Variants in NT5DC3 observed in about 807,000 individuals in gnomAD.
NT5DC3 encodes the protein 5'-nucleotidase domain containing 3.
Under a neutral mutation model 67.8 loss-of-function variants are expected in NT5DC3, and 42 were observed. The observed-to-expected ratio is 0.62, with a 90% CI of 0.48 to 0.80. NT5DC3 has a LOEUF of 0.80. Among genes scored for constraint, NT5DC3 ranks in the 30% least tolerant of loss-of-function variants. The pLI is 0.00. For missense variants in NT5DC3, 570 were observed against 696.4 expected (o/e 0.82, Z 2.04); for synonymous variants, 237 against 255.6 (o/e 0.93, Z 0.69).
intron 2 of NT5DC3, among the ~76,000 whole-genome samples, chr12:103,807,496 G>A (rs765180336): frequency 6.6e-6 from 1 of 152,194 alleles, no homozygotes; most frequent in African/African-American, 2.4e-5. Flanking sequence ...CCTCTCCATA[G>A]AGCTTTCATT....
intron 12 of NT5DC3, among the ~76,000 whole-genome samples, chr12:103,785,030 C>T (rs1010949683): frequency 6.6e-6 from 1 of 152,166 alleles, no homozygotes; most frequent in Non-Finnish European, 1.5e-5. Flanking sequence ...CAGACAGAAC[C>T]AGCACAGACT....
In NT5DC3 at chr12:103,793,194, T is replaced by G; in HGVS notation, c.989A>C (p.Glu330Ala). 1 of 1,606,322 alleles carries G rather than the reference T, an allele frequency of 6.2e-7. No individual in the cohort carries two copies. The highest frequency in any genetic ancestry group is 8.5e-7 in the Non-Finnish European group (1 of 1,178,346). Reference sequence around the variant, plus strand: ...CTTATCATTAAAGAAGTTTGGCTTCTCAGCCTGAACAATGACCACATCGAA... The same window carrying G: ...CTTATCATTAAAGAAGTTTGGCTTCGCAGCCTGAACAATGACCACATCGAA... ...DLFDVVIVQA[E>A]KPNFFNDKRR... Residue 330 changes from glutamate (E) to alanine (A), a missense_variant, in exon 9 of 14, where the codon GAG becomes GCG. Physicochemically the swap from Glu to Ala is moderately radical, Grantham distance 107 (BLOSUM62 -1). Around this residue, in one of 2 missense-constraint regions of NT5DC3, gnomAD observed 466 missense variants for 608.0 expected, o/e 0.77. Coordinates refer to ENST00000392876, the MANE Select transcript of NT5DC3 (RefSeq NM_001031701.3).
intron 1 of NT5DC3, among the ~76,000 whole-genome samples, chr12:103,824,307 CTGTTT>C (rs1887602766): frequency 6.6e-6 from 1 of 152,214 alleles, no homozygotes; most frequent in African/African-American, 2.4e-5. Flanking sequence ...AATAACCACT[CTGTTT>C]TAAGTCATTT....
chr12:103,757,028 TATAA>T, the NT5DC3 span, among the ~76,000 whole-genome samples: 2 of 143,492 alleles, frequency 1.4e-5, no homozygotes, highest in South Asian at 2.1e-4. Flanking sequence ...TATATATATA[TATAA>T]AATATATATA....
At chr12:103,796,594 C>T (rs1251593202) in intron 6 of NT5DC3, among the ~76,000 whole-genome samples, 2 of 152,218 alleles carry the variant, frequency 1.3e-5, no homozygotes, top group Non-Finnish European at 2.9e-5. Flanking sequence ...GGACTTCCAT[C>T]CCCATCATCC....
intron 13 of NT5DC3, 89 bp from the exon 14 acceptor site, chr12:103,778,170 T>TAAAAAA: frequency 7.7e-6 from 9 of 1,174,306 alleles, no homozygotes; most frequent in Non-Finnish European, 1.0e-5. Context: ...CTTCTTTTTT[T>TAAAAAA]AAAAAAAAAA....
the NT5DC3 span, among the ~76,000 whole-genome samples, chr12:103,762,712 T>C: frequency 6.6e-6 from 1 of 152,204 alleles, no homozygotes; most frequent in Non-Finnish European, 1.5e-5. Flanking sequence ...CCTAGGAGTC[T>C]TGTTTACCTT....
chr12:103,798,593 G>T lies in NT5DC3; in HGVS notation c.609C>A (p.Tyr203Ter). Residue 203 changes from tyrosine (Y) to a stop codon, truncating the protein, a stop_gained, in exon 5 of 14, where the codon TAC (tyrosine) becomes TAA (stop). Transcript: ENST00000392876. LOFTEE classifies it high-confidence loss of function. ...HVPLEQMSDFYGKSSHGNTMK... is the reference protein window; with the variant it reads ...HVPLEQMSDF ...ATAAAGTGCTTCTCATTACCTTTCC[G>T]TAAAAGTCACTCATCTGCTCCAAGG... The T allele has an allele frequency of 6.2e-7, 1 of 1,610,452 alleles. No individual in the cohort carries two copies. Among genetic ancestry groups the T allele is most frequent in the Non-Finnish European group, 8.5e-7 (1 of 1,176,776 alleles).
At chr12:103,829,793 C>A (rs912425922) in intron 1 of NT5DC3, among the ~76,000 whole-genome samples, 1 of 152,026 alleles carries the variant, frequency 6.6e-6, no homozygotes, top group Admixed American at 6.5e-5. Context: ...CCATCTAAGA[C>A]CTTTGGGATT....
chr12:103,790,477 T>C (rs1280623439), intron 9 of NT5DC3, among the ~76,000 whole-genome samples: 5 of 151,994 alleles, frequency 3.3e-5, no homozygotes, highest in Admixed American at 2.0e-4. Flanking sequence ...GATTTCACCA[T>C]GTTGAACTCC....
chr12:103,808,904 G>A (rs1325858046), intron 2 of NT5DC3, among the ~76,000 whole-genome samples: 1 of 152,216 alleles, frequency 6.6e-6, no homozygotes, highest in Non-Finnish European at 1.5e-5. Flanking sequence ...CCACACACTA[G>A]ACACTTTCCA....
chr12:103,824,165 TAAAGG>T (rs1208719325), intron 1 of NT5DC3, among the ~76,000 whole-genome samples: 1 of 152,238 alleles, frequency 6.6e-6, no homozygotes, highest in Non-Finnish European at 1.5e-5. Context: ...TTCATTACAG[TAAAGG>T]AAACAGTTGA....
In NT5DC3 at chr12:103,837,880, C is replaced by T. The variant is rs545507763; in HGVS notation, c.208+3069G>A. Among the ~76,000 whole-genome samples, 30 of 152,330 alleles carry T rather than the reference C, an allele frequency of 2.0e-4. No individual in the cohort carries two copies. In the East Asian group the frequency reaches 5.0e-3, roughly 25 times the overall value. On this transcript the variant is annotated intron_variant, in intron 1 of 13. Coordinates refer to ENST00000392876, the MANE Select transcript of NT5DC3 (RefSeq NM_001031701.3). ...TCTGCCTGTTACCCAGCTCCAAAGTCGCTTCCACATTTTCAGGTGTCTTTT... is the reference window on the plus strand; with the variant it reads ...TCTGCCTGTTACCCAGCTCCAAAGTTGCTTCCACATTTTCAGGTGTCTTTT...
Position 103,780,291 on chromosome 12 carries a change from C to A in NT5DC3, c.1394+9G>T. On this transcript the variant is annotated intron_variant, in intron 13 of 13. Transcript: ENST00000392876. ...GTGGACGCGCACATTCAATACAGGC[C>A]TCTCTTACCGCATCTCCTTCCTTTC... 1 of 1,612,794 alleles carries A rather than the reference C, an allele frequency of 6.2e-7. No individual in the cohort carries two copies. Among genetic ancestry groups the A allele is most frequent in the Non-Finnish European group, 8.5e-7 (1 of 1,178,748 alleles).
intron 12 of NT5DC3, among the ~76,000 whole-genome samples, chr12:103,782,586 C>T (rs1395884688): frequency 6.6e-6 from 1 of 152,212 alleles, no homozygotes; most frequent in Non-Finnish European, 1.5e-5. Flanking sequence ...CAGAAGCTTG[C>T]TGACCTGTGG....
chr12:103,815,024 A>G lies in NT5DC3; in HGVS notation c.306T>C (p.Asp102=), dbSNP rs1272165709. Reference sequence around the variant, plus strand: ...AATAAAACACCAAGGTGTAATCATAATCGAAGCCATAGATTTCAATGTCTG... The same window carrying G: ...AATAAAACACCAAGGTGTAATCATAGTCGAAGCCATAGATTTCAATGTCTG... ...SLSDIEIYGF[D]YDYTLVFYSK... The change falls in exon 2 of 14, where the codon GAT becomes GAC. Residue 102 remains aspartate (D), a synonymous_variant. Transcript: ENST00000392876. The G allele has an allele frequency of 1.2e-6, 2 of 1,613,896 alleles. No homozygotes were observed. The highest frequency in any genetic ancestry group is 1.1e-5 in the South Asian group (1 of 91,050).
the NT5DC3 span, among the ~76,000 whole-genome samples, chr12:103,756,197 C>T: frequency 2.6e-5 from 4 of 152,168 alleles, no homozygotes; most frequent in Admixed American, 6.5e-5. Context: ...AGTCAATTTG[C>T]GTCTTGCACT....
the NT5DC3 span, chr12:103,748,906 G>A: frequency 1.3e-6 from 2 of 1,562,298 alleles, no homozygotes; most frequent in Non-Finnish European, 8.7e-7. Context: ...ACCCTGACCT[G>A]AAGCCCTAGT....
chr12:103,780,425 G>C (rs1885504117), intron 12 of NT5DC3, 61 bp from the exon 13 acceptor site: 1 of 1,507,500 alleles, frequency 6.6e-7, no homozygotes, highest in Admixed American at 1.7e-5. Flanking sequence ...ATTACGTAAT[G>C]AGAATTTTTT....
Sources: gnomAD v4.1 joint callset for allele counts (sites outside exome capture counted in the v4.1 genomes callset) on GRCh38, gnomAD v4.1.1 for gene constraint, gnomAD v4.1.1 regional missense constraint, MANE v1.5 for transcripts, NCBI Gene and HGNC (gene_info 2026-07-23, HGNC 2026-07-21) for gene names.